Variants in RBMS1 observed in about 807,000 individuals in gnomAD.
The protein encoded by RBMS1 is RNA binding motif single stranded interacting protein 1.
In RBMS1, 17 loss-of-function variants were observed where a neutral mutation model predicts 62.3. That is an observed-to-expected ratio of 0.27 (90% confidence interval 0.19 to 0.41). The LOEUF is 0.41. Among genes scored for constraint, RBMS1 ranks in the 10% least tolerant of loss-of-function variants. The pLI, the probability that RBMS1 is intolerant of heterozygous loss-of-function variation, is 1.00. For missense variants in RBMS1, 334 were observed against 504.5 expected (o/e 0.66, Z 3.24); for synonymous variants, 172 against 170.0 (o/e 1.01, Z -0.09).
intron 1 of RBMS1, among the ~76,000 whole-genome samples, chr2:160,410,221 C>CAAAA (rs575199475): frequency 7.5e-4 from 51 of 68,012 alleles, no homozygotes; most frequent in Non-Finnish European, 1.2e-3. Context: ...GACCCCGTCT[C>CAAAA]AAAAAAAAAA....
At chr2:160,349,133 C>T (rs1012514340) in intron 2 of RBMS1, among the ~76,000 whole-genome samples, 12 of 151,996 alleles carry the variant, frequency 7.9e-5, no homozygotes, top group African/African-American at 1.9e-4. Flanking sequence ...GGAAAGATTC[C>T]GAGGCTCAGC....
rs145433238 is a variant in RBMS1 at position 160,314,948 on chromosome 2, T to C, written c.311-1701A>G. On this transcript the variant is annotated intron_variant, in intron 3 of 13. Coordinates refer to ENST00000348849, the MANE Select transcript of RBMS1 (RefSeq NM_016836.4). Reference sequence around the variant, plus strand: ...CAAACTCTCTCTCTCTCATATAGTTTCAGCAGGTCATAAATGAGAACCCAG... The same window carrying C: ...CAAACTCTCTCTCTCTCATATAGTTCCAGCAGGTCATAAATGAGAACCCAG... 1.4e-3 allele frequency among the ~76,000 whole-genome samples: 214 copies of C among 152,298 alleles called. 2 individuals are homozygous for C. The highest frequency in any genetic ancestry group is 4.9e-3 in the African/African-American group (203 of 41,562).
At chr2:160,426,288 A>AGAAAGAAAGAAG in intron 1 of RBMS1, among the ~76,000 whole-genome samples, 1 of 115,328 alleles carries the variant, frequency 8.7e-6, no homozygotes, top group East Asian at 2.4e-4. Context: ...AAAGAAAGAA[A>AGAAAGAAAGAAG]GAAAAGAAAG....
At chr2:160,411,625 T>C (rs953253157) in intron 1 of RBMS1, among the ~76,000 whole-genome samples, 6 of 152,226 alleles carry the variant, frequency 3.9e-5, no homozygotes, top group Admixed American at 2.0e-4. Flanking sequence ...TTCCCACTTG[T>C]GCTCTGGGCA....
chr2:160,451,166 A>AAAAAAAAAAAT, intron 1 of RBMS1, among the ~76,000 whole-genome samples: 1 of 150,504 alleles, frequency 6.6e-6, no homozygotes, highest in Admixed American at 6.7e-5. Flanking sequence ...CAGAAAAAAA[A>AAAAAAAAAAAT]AAATAAATAA....
At chr2:160,417,240 T>C (rs552200207) in intron 1 of RBMS1, among the ~76,000 whole-genome samples, 1 of 152,302 alleles carries the variant, frequency 6.6e-6, no homozygotes, top group African/African-American at 2.4e-5. Context: ...GTTATATATA[T>C]GTAAAAAATG....
At chr2:160,434,540 C>T (rs544121580) in intron 1 of RBMS1, among the ~76,000 whole-genome samples, 1 of 151,874 alleles carries the variant, frequency 6.6e-6, no homozygotes, top group South Asian at 2.1e-4. Context: ...TCTAACAGTG[C>T]TATCCATTAG....
chr2:160,325,349 T>C (rs1690863525), intron 2 of RBMS1, among the ~76,000 whole-genome samples: 1 of 152,136 alleles, frequency 6.6e-6, no homozygotes, highest in Non-Finnish European at 1.5e-5. Context: ...CAGTAGAGCA[T>C]ATACCTCAGT....
chr2:160,332,378 T>C (rs1369735035), intron 2 of RBMS1, among the ~76,000 whole-genome samples: 2 of 152,192 alleles, frequency 1.3e-5, no homozygotes, highest in Non-Finnish European at 2.9e-5. Flanking sequence ...CCCAATACAA[T>C]TTTGTAAAAT....
At chr2:160,327,510 C>T (rs1691010194) in intron 2 of RBMS1, among the ~76,000 whole-genome samples, 1 of 151,840 alleles carries the variant, frequency 6.6e-6, no homozygotes, top group Non-Finnish European at 1.5e-5. Context: ...TGATTTATTA[C>T]ACAGACTTGC....
chr2:160,311,230 A>ATATATATATG (rs1460037692), intron 4 of RBMS1, among the ~76,000 whole-genome samples: 1 of 97,066 alleles, frequency 1.0e-5, no homozygotes, highest in African/African-American at 3.9e-5. Flanking sequence ...CTATCTATCT[A>ATATATATATG]TCTATATATA....
intron 1 of RBMS1, among the ~76,000 whole-genome samples, chr2:160,395,753 T>G (rs1427209427): frequency 1.3e-5 from 2 of 152,212 alleles, no homozygotes; most frequent in East Asian, 3.8e-4. Context: ...CACTTTATCT[T>G]ACATTAACTC....
chr2:160,340,553 G>T (rs1456866093), intron 2 of RBMS1, among the ~76,000 whole-genome samples: 4 of 151,966 alleles, frequency 2.6e-5, no homozygotes, highest in African/African-American at 7.2e-5. Context: ...TGGAGTGTGA[G>T]GAACCAACAA....
chr2:160,396,731 A>G (rs1369172700), intron 1 of RBMS1, among the ~76,000 whole-genome samples: 4 of 151,330 alleles, frequency 2.6e-5, no homozygotes, highest in Non-Finnish European at 5.9e-5. Flanking sequence ...AGCCCGGCTG[A>G]TTTTTGTATT....
intron 2 of RBMS1, among the ~76,000 whole-genome samples, chr2:160,360,966 AAC>A (rs1246411631): frequency 3.9e-5 from 6 of 152,228 alleles, no homozygotes; most frequent in South Asian, 2.1e-4. Flanking sequence ...TAAATGAGGA[AAC>A]AGATTACATT....
chr2:160,426,434 G>A (rs889400710), intron 1 of RBMS1, among the ~76,000 whole-genome samples: 2 of 152,074 alleles, frequency 1.3e-5, no homozygotes, highest in African/African-American at 4.8e-5. Context: ...GGAATGGCAA[G>A]ATACATGCTC....
intron 1 of RBMS1, among the ~76,000 whole-genome samples, chr2:160,383,454 G>GT (rs67468107): frequency 1.0e-4 from 2 of 19,960 alleles, no homozygotes; most frequent in African/African-American, 1.3e-4. Context: ...GACATGAATT[G>GT]GGGGGGGGGG....
intron 9 of RBMS1, chr2:160,282,123 TA>T: frequency 1.3e-6 from 1 of 786,846 alleles, no homozygotes; most frequent in Non-Finnish European, 2.0e-6. Flanking sequence ...AGAGTCTAAG[TA>T]ATTTTATTAA....
At chr2:160,491,453 C>T (rs2105370439) in intron 1 of RBMS1, among the ~76,000 whole-genome samples, 1 of 152,312 alleles carries the variant, frequency 6.6e-6, no homozygotes, top group African/African-American at 2.4e-5. Flanking sequence ...TGGGATCCGA[C>T]CCTAATTACT....
Sources: gnomAD v4.1 joint callset for allele counts (sites outside exome capture counted in the v4.1 genomes callset) on GRCh38, gnomAD v4.1.1 for gene constraint, MANE v1.5 for transcripts, NCBI Gene and HGNC (gene_info 2026-07-23, HGNC 2026-07-21) for gene names.